The following UACA variants were observed in gnomAD, a reference collection of about 807,000 sequenced individuals.
UACA encodes uveal autoantigen with coiled-coil domains and ankyrin repeats, also known as nuclear membrane binding protein.
In UACA, 112 loss-of-function variants were observed where a neutral mutation model predicts 160.5. The observed-to-expected ratio is 0.70, with a 90% confidence interval of 0.60 to 0.82. The LOEUF (loss-of-function observed/expected upper bound fraction) is 0.82, where lower values mean the gene tolerates loss of function less well. Among genes scored for constraint, UACA ranks in the 40% least tolerant of loss-of-function variants. The pLI, the probability that UACA is intolerant of heterozygous loss-of-function variation, is 0.00. For synonymous variants in UACA, 557 were observed against 568.4 expected (o/e 0.98, Z 0.29); for missense variants, 1,574 against 1,614.6 (o/e 0.97, Z 0.43).
At chr15:70,683,096 C>T (rs557704554) in intron 8 of UACA, among the ~76,000 whole-genome samples, 4 of 152,028 alleles carry the variant, frequency 2.6e-5, no homozygotes, top group Non-Finnish European at 5.9e-5. Flanking sequence ...TGGCTCACAC[C>T]TGTAATCCCA....
chr15:70,675,597 C>T (rs375592298), intron 13 of UACA, among the ~76,000 whole-genome samples: 68 of 152,314 alleles, frequency 4.5e-4, no homozygotes, highest in African/African-American at 1.6e-3. Context: ...TGCTTTTGAA[C>T]TTCATAAAAA....
chr15:70,762,415 A>C (rs941733327), intron 1 of UACA, among the ~76,000 whole-genome samples: 1 of 152,218 alleles, frequency 6.6e-6, no homozygotes, highest in African/African-American at 2.4e-5. Context: ...CGACTCTTCC[A>C]AGACTTTGTA....
upstream of UACA, among the ~76,000 whole-genome samples, chr15:70,766,686 G>A (rs1014733865): frequency 9.9e-5 from 15 of 152,120 alleles, no homozygotes; most frequent in Non-Finnish European, 2.1e-4. Flanking sequence ...ATCGCTTACT[G>A]AATCGTGTAG....
rs368669913 is a variant in UACA at position 70,666,879 on chromosome 15, T to C, written c.3805A>G (p.Ile1269Val). Residue 1269 changes from isoleucine to valine, a missense_variant, in exon 16 of 19, where the codon ATA (isoleucine) becomes GTA (valine). Physicochemically the swap from Ile to Val is conservative, Grantham distance 29. Transcript: ENST00000322954. The stretch of plus-strand genomic sequence containing the variant: ...AATTCCTTCTCATCTTTTGCAGATA[T>C]TTCCTTCTTTTTGGCATGCAAAACT... ...EEVLHAKKKE[I>V]SAKDEKELLH... 2 of 1,613,728 alleles carry C rather than the reference T, an allele frequency of 1.2e-6. No homozygotes were observed. Among genetic ancestry groups the C allele is most frequent in the African/African-American group, 2.7e-5 (2 of 74,922 alleles).
chr15:70,676,639 T>C (rs376439005), intron 12 of UACA, 48 bp from the exon 13 acceptor site: 13 of 1,501,070 alleles, frequency 8.7e-6, no homozygotes, highest in African/African-American at 8.3e-5. Context: ...GTGCTTGGAA[T>C]TGGATTAAAA....
intron 1 of UACA, among the ~76,000 whole-genome samples, chr15:70,705,903 T>G (rs1407004593): frequency 1.3e-5 from 2 of 152,214 alleles, no homozygotes; most frequent in African/African-American, 4.8e-5. Context: ...CTGAGATTTC[T>G]GATGTGATAA....
chr15:70,677,051 A>G (rs1160822161), intron 12 of UACA, 57 bp downstream of exon 12: 32 of 1,361,506 alleles, frequency 2.4e-5, no homozygotes, highest in South Asian at 2.5e-5. Context: ...CTTTACTACT[A>G]TATCATCTTC....
intron 9 of UACA, chr15:70,682,084 C>T (rs1431901818): frequency 6.6e-6 from 1 of 152,124 alleles, no homozygotes; most frequent in Non-Finnish European, 1.5e-5. Flanking sequence ...TTTTGAGCCA[C>T]GGTACTGTAA....
At chr15:70,659,326 C>A (rs1394996973) in intron 18 of UACA, among the ~76,000 whole-genome samples, 1 of 121,482 alleles carries the variant, frequency 8.2e-6, no homozygotes, top group Non-Finnish European at 1.8e-5. Flanking sequence ...ATCTAGTTCT[C>A]TTTTTAAAAT....
At chr15:70,690,366 T>C (rs1897887787) in intron 5 of UACA, 88 bp downstream of exon 5, 1 of 1,156,712 alleles carries the variant, frequency 8.6e-7, no homozygotes, top group African/African-American at 1.6e-5. Context: ...ATGAATTATA[T>C]AAATATCTAT....
chr15:70,717,272 A>T (rs1457911920), intron 1 of UACA, among the ~76,000 whole-genome samples: 2 of 152,226 alleles, frequency 1.3e-5, no homozygotes, highest in African/African-American at 4.8e-5. Context: ...TCTAATCAGT[A>T]TACATTCACA....
At chr15:70,777,051 C>T in the UACA span, among the ~76,000 whole-genome samples, 1 of 152,074 alleles carries the variant, frequency 6.6e-6, no homozygotes, top group African/African-American at 2.4e-5. Context: ...TGCAGTAATC[C>T]AGGTGAGAAG....
At chr15:70,690,102 C>A (rs530417286) in intron 5 of UACA, among the ~76,000 whole-genome samples, 1 of 151,866 alleles carries the variant, frequency 6.6e-6, no homozygotes, top group Non-Finnish European at 1.5e-5. Flanking sequence ...CCCATTTCTC[C>A]AATTCCCAAA....
At position 70,667,376 on chromosome 15, in the gene UACA, A is replaced by C. The variant is rs566466849; in HGVS notation, c.3308T>G (p.Val1103Gly). 13 of 1,612,802 alleles carry C rather than the reference A, an allele frequency of 8.1e-6. No individual in the cohort carries two copies. The highest frequency in any genetic ancestry group is 1.1e-5 in the Non-Finnish European group (13 of 1,179,940). Reference sequence around the variant, plus strand: ...ATGTTGTTTTTGCAAAAGATTTTGCACTGCAAGTATCTCAGAAGTCTGTTT... The same window carrying C: ...ATGTTGTTTTTGCAAAAGATTTTGCCCTGCAAGTATCTCAGAAGTCTGTTT... ...NAKQTSEILA[V>G]QNLLQKQHVP... Residue 1103 changes from valine to glycine, a missense_variant, in exon 16 of 19, where the codon GTG (valine) becomes GGG (glycine). Val to Gly is a moderately radical substitution (Grantham distance 109). Transcript: ENST00000322954.
Position 70,684,324 on chromosome 15 carries a change from A to C in UACA, c.725T>G (p.Ile242Ser), listed in dbSNP as rs760688895. 4 of 1,613,750 alleles carry C rather than the reference A, an allele frequency of 2.5e-6. No homozygotes were observed. The East Asian group carries it at 8.9e-5, about 36-fold the overall frequency. Reference protein sequence around the residue: ...LGHDSSYYARIGDNLDILTLL... With the variant: ...LGHDSSYYARSGDNLDILTLL... ...GGTTAGAATGTCCAGATTGTCACCA[A>C]TTCTTGCATAGTAAGAACTATCATG... The change falls in exon 8 of 19, where the codon ATT becomes AGT. Residue 242 changes from isoleucine (I) to serine (S), a missense_variant. Physicochemically the swap from Ile to Ser is moderately radical, Grantham distance 142 (BLOSUM62 -2). Coordinates refer to ENST00000322954, the MANE Select transcript of UACA (RefSeq NM_018003.4).
At chr15:70,755,064 T>G (rs2030337706) in intron 1 of UACA, among the ~76,000 whole-genome samples, 1 of 152,180 alleles carries the variant, frequency 6.6e-6, no homozygotes, top group Admixed American at 6.5e-5. Flanking sequence ...GACAAACATT[T>G]GCAAAACTGT....
intron 3 of UACA, among the ~76,000 whole-genome samples, chr15:70,694,064 C>A (rs997528096): frequency 1.1e-4 from 16 of 152,078 alleles, no homozygotes; most frequent in Admixed American, 6.6e-4. Context: ...TTTGCCCCTA[C>A]ATGGAATCAC....
chr15:70,702,218 T>C (rs1173644973), intron 1 of UACA: 20 of 1,113,454 alleles, frequency 1.8e-5, no homozygotes, highest in Middle Eastern at 3.8e-4. Flanking sequence ...TCTTTCAAAG[T>C]TGTCCCTTTG....
chr15:70,740,216 C>T (rs1181712675), intron 1 of UACA, among the ~76,000 whole-genome samples: 1 of 152,036 alleles, frequency 6.6e-6, no homozygotes, highest in African/African-American at 2.4e-5. Context: ...AAATTGTAAT[C>T]TTGTAATTTG....
Sources: allele counts gnomAD v4.1 joint callset (sites outside exome capture counted in the v4.1 genomes callset), GRCh38; gene constraint gnomAD v4.1.1; transcripts MANE v1.5; gene names NCBI Gene and HGNC (gene_info 2026-07-23, HGNC 2026-07-21).